Variants in HDAC4 observed in about 807,000 individuals in gnomAD.
The protein encoded by HDAC4 is histone deacetylase 4.
Under a neutral mutation model 135.1 loss-of-function variants are expected in HDAC4, and 16 were observed. The observed-to-expected ratio is 0.12, with a 90% CI of 0.08 to 0.18. HDAC4 has a LOEUF of 0.18. Ranked by LOEUF, HDAC4 falls within the 10% of genes least tolerant of loss-of-function variation. HDAC4 has a pLI of 1.00. For missense variants in HDAC4, 1,143 were observed against 1,511.8 expected (o/e 0.76, Z 4.05); for synonymous variants, 685 against 653.4 (o/e 1.05, Z -0.74).
intron 8 of HDAC4, among the ~76,000 whole-genome samples, chr2:239,144,326 C>T (rs1442378354): frequency 6.6e-6 from 1 of 152,166 alleles, no homozygotes; most frequent in African/African-American, 2.4e-5. Flanking sequence ...CTGGGGCACC[C>T]TTGTGCACCT....
At chr2:239,180,244 C>A (rs592695) in intron 4 of HDAC4, among the ~76,000 whole-genome samples, 127,344 of 151,926 alleles carry the variant, frequency 0.84, 53,510 homozygotes, top group South Asian at 0.94. Flanking sequence ...CACACCTTTC[C>A]AACCCCTAGG....
At chr2:239,214,096 T>G (rs1430866250) in intron 3 of HDAC4, among the ~76,000 whole-genome samples, 1 of 152,220 alleles carries the variant, frequency 6.6e-6, no homozygotes, top group Non-Finnish European at 1.5e-5. Context: ...CAACGTATGT[T>G]TATTATCTTA....
chr2:239,263,636 T>C (rs1047769821), intron 2 of HDAC4, among the ~76,000 whole-genome samples: 6 of 152,096 alleles, frequency 3.9e-5, no homozygotes, highest in African/African-American at 1.4e-4. Flanking sequence ...TGAGAGTATG[T>C]TCTAGAAGGA....
rs770283265 is a variant in HDAC4, at chr2:239,087,573, C to T, written c.2430G>A (p.Glu810=). Residue 810 remains glutamate (E), a synonymous_variant, in exon 19 of 27, where the codon GAG becomes GAA. Coordinates refer to ENST00000543185, the MANE Select transcript of HDAC4 (RefSeq NM_001378414.1). The part of the protein sequence containing the change: ...AVVRPPGHHA[E]ESTPMGFCYF... ...CGTGTACTCACATGGGCGTGCTCTCCTCCGCATGGTGTCCAGGGGGGCGGA... is the reference window on the plus strand; with the variant it reads ...CGTGTACTCACATGGGCGTGCTCTCTTCCGCATGGTGTCCAGGGGGGCGGA... The T allele has an allele frequency of 1.2e-6, 2 of 1,613,704 alleles. No individual in the cohort carries two copies. The highest frequency in any genetic ancestry group is 2.2e-5 in the South Asian group (2 of 90,972).
chr2:239,062,560 C>G (rs1365287152), intron 24 of HDAC4, among the ~76,000 whole-genome samples: 1 of 152,244 alleles, frequency 6.6e-6, no homozygotes, highest in Non-Finnish European at 1.5e-5. Context: ...GAAGCAAGAA[C>G]AGGCCACGGC....
chr2:239,396,108 T>C (rs1408181537), intron 1 of HDAC4, among the ~76,000 whole-genome samples: 2 of 151,356 alleles, frequency 1.3e-5, no homozygotes, highest in South Asian at 2.1e-4. Context: ...TCCCAAGTAA[T>C]GGGGACTACA....
In HDAC4 at chr2:239,285,820, G is replaced by A. The variant is rs927741571; in HGVS notation, c.23-49156C>T. On this transcript the variant is annotated intron_variant, in intron 2 of 26. Coordinates refer to ENST00000543185, the MANE Select transcript of HDAC4 (RefSeq NM_001378414.1). This position sits in a 1 kb window ranked among gnomAD's most constrained non-coding sequence, Gnocchi z 4.5. ...GGAGGACTGCATGGGGGTCAGGACC[G>A]AGGTGAGCCCAGAGCTGCAGCGTTC... Among the ~76,000 whole-genome samples the A allele has an allele frequency of 2.6e-5, 4 of 152,146 alleles. No individual in the cohort carries two copies. Among genetic ancestry groups the A allele is most frequent in the Admixed American group, 1.3e-4 (2 of 15,274 alleles).
rs774158223 is a variant in HDAC4, at chr2:239,139,634, C to G, written c.978+50G>C. ...GTGGGGTCATTTCAAGCTCATCCGT[C>G]CCGAGTCCGACTCTAGCCGTAGGAC... is the stretch of plus-strand genomic sequence containing the variant. On this transcript the variant is annotated intron_variant, in intron 9 of 26. Coordinates refer to ENST00000543185, the MANE Select transcript of HDAC4 (RefSeq NM_001378414.1). This position sits in a 1 kb window ranked among gnomAD's most constrained non-coding sequence, Gnocchi z 5.3. The G allele has an allele frequency of 4.0e-6, 6 of 1,516,832 alleles. No individual in the cohort carries two copies. The highest frequency in any genetic ancestry group is 3.7e-6 in the Non-Finnish European group (4 of 1,091,340). 94.0% of individuals were successfully genotyped at this position (1,516,832 alleles called of 1,614,324 possible). A position where few individuals can be genotyped will look rare whatever the true frequency, so the allele number is the denominator to read the frequency against.
At chr2:239,190,115 C>T in intron 3 of HDAC4, 38 bp from the exon 4 acceptor site, 1 of 1,586,960 alleles carries the variant, frequency 6.3e-7, no homozygotes, top group South Asian at 1.1e-5. Flanking sequence ...GTCACTGCCG[C>T]CCTTTGCTGT....
At chr2:239,199,019 T>C (rs1342864990) in intron 3 of HDAC4, among the ~76,000 whole-genome samples, 1 of 152,198 alleles carries the variant, frequency 6.6e-6, no homozygotes, top group Non-Finnish European at 1.5e-5. Context: ...ATAAACACTT[T>C]TAAATATTTT....
chr2:239,089,833 G>A, intron 18 of HDAC4, 176 bp downstream of exon 18: 1 of 638,306 alleles, frequency 1.6e-6, no homozygotes, highest in Admixed American at 2.3e-5. Context: ...TCACAAATGT[G>A]GGCAATGTCT....
intron 1 of HDAC4, among the ~76,000 whole-genome samples, chr2:239,378,769 G>A (rs1456195784): frequency 6.6e-6 from 1 of 152,142 alleles, no homozygotes; most frequent in Non-Finnish European, 1.5e-5. Flanking sequence ...GCATGTCCTG[G>A]GCTCTTCTCT....
At chr2:239,176,608 C>A (rs1180680899) in intron 4 of HDAC4, 45 bp from the exon 5 acceptor site, 1 of 1,583,714 alleles carries the variant, frequency 6.3e-7, no homozygotes, top group South Asian at 1.1e-5. Flanking sequence ...CCAGGCTCCA[C>A]ACACACACAG....
chr2:239,369,424 A>C (rs1694450537), intron 1 of HDAC4, among the ~76,000 whole-genome samples: 1 of 152,148 alleles, frequency 6.6e-6, no homozygotes, highest in African/African-American at 2.4e-5. Context: ...AATGTCTCCA[A>C]GCTACAGTCC....
intron 12 of HDAC4, among the ~76,000 whole-genome samples, chr2:239,119,779 G>C (rs2039470927): frequency 1.3e-5 from 2 of 152,204 alleles, no homozygotes; most frequent in African/African-American, 4.8e-5. Flanking sequence ...GTCTCTCCGA[G>C]GGGTGCATGG....
At chr2:239,057,332 TAGTG>T (rs1474670106) in intron 24 of HDAC4, among the ~76,000 whole-genome samples, 4 of 152,148 alleles carry the variant, frequency 2.6e-5, no homozygotes, top group Admixed American at 1.3e-4. Context: ...AAAGTAAATA[TAGTG>T]AGTATGTATT....
chr2:239,242,842 T>C (rs1325121387), intron 2 of HDAC4, among the ~76,000 whole-genome samples: 1 of 146,978 alleles, frequency 6.8e-6, no homozygotes, highest in African/African-American at 2.7e-5. Flanking sequence ...TTAAATCACA[T>C]GTTTGCTTAA....
chr2:239,333,179 A>G (rs938157795), intron 2 of HDAC4, among the ~76,000 whole-genome samples: 2 of 152,240 alleles, frequency 1.3e-5, no homozygotes, highest in African/African-American at 4.8e-5. Flanking sequence ...AGGTGTCAGC[A>G]AACTATGGCC....
chr2:239,152,488 C>T (rs2042176428), intron 7 of HDAC4, among the ~76,000 whole-genome samples: 1 of 152,242 alleles, frequency 6.6e-6, no homozygotes, highest in Non-Finnish European at 1.5e-5. Flanking sequence ...TGCTGCCAAT[C>T]TCCCAGGAAA....
Sources: allele counts gnomAD v4.1 joint callset (sites outside exome capture counted in the v4.1 genomes callset), GRCh38; gene constraint gnomAD v4.1.1; non-coding constraint Gnocchi (gnomAD v3.1); transcripts MANE v1.5; gene names NCBI Gene and HGNC (gene_info 2026-07-23, HGNC 2026-07-21).